Variants in FRYL observed in about 807,000 individuals in gnomAD.
FRYL encodes protein furry homolog-like.
FRYL carries 150 observed loss-of-function variants against 351.2 expected under a neutral mutation model. The observed-to-expected ratio is 0.43, with a 90% confidence interval of 0.37 to 0.49. The LOEUF (loss-of-function observed/expected upper bound fraction) is 0.49. Ranked by LOEUF, FRYL falls within the 20% of genes least tolerant of loss-of-function variation. The pLI, the probability that FRYL is intolerant of heterozygous loss-of-function variation, is 0.00. For missense variants in FRYL, 3,036 were observed against 3,619.3 expected, an observed-to-expected ratio of 0.84 and a Z score of 4.13; for synonymous variants, 1,153 against 1,257.1, an observed-to-expected ratio of 0.92 and a Z score of 1.75.
At chr4:48,684,965 T>C (rs1240784457) in intron 2 of FRYL, among the ~76,000 whole-genome samples, 170 bp from the exon 3 acceptor site, 3 of 152,228 alleles carry the variant, frequency 2.0e-5, no homozygotes, top group African/African-American at 4.8e-5. Flanking sequence ...TTTTTTATTA[T>C]GGAAAATTTC....
intron 6 of FRYL, among the ~76,000 whole-genome samples, chr4:48,619,652 G>T (rs1486292443): frequency 6.6e-6 from 1 of 152,004 alleles, no homozygotes; most frequent in East Asian, 1.9e-4. Flanking sequence ...CTACAGGCAA[G>T]CGCCACCATG....
chr4:48,559,748 A>C (rs1735032457), intron 33 of FRYL, among the ~76,000 whole-genome samples: 1 of 151,812 alleles, frequency 6.6e-6, no homozygotes, highest in East Asian at 2.0e-4. Flanking sequence ...ACAGAAAAAA[A>C]GGGACGGAAG....
At chr4:48,526,618 A>C (rs1253972650) in intron 53 of FRYL, among the ~76,000 whole-genome samples, 6 of 152,204 alleles carry the variant, frequency 3.9e-5, no homozygotes, top group Admixed American at 6.5e-5. Flanking sequence ...TTTTGCTGCT[A>C]TCTGAGGTCA....
intron 2 of FRYL, among the ~76,000 whole-genome samples, chr4:48,707,227 T>C (rs531224219): frequency 4.6e-5 from 7 of 152,314 alleles, no homozygotes; most frequent in Non-Finnish European, 1.0e-4. Context: ...TTTTTTATAA[T>C]ATGAATGTGC....
chr4:48,668,923 T>C (rs1470937247), intron 3 of FRYL, among the ~76,000 whole-genome samples: 3 of 152,212 alleles, frequency 2.0e-5, no homozygotes, highest in Non-Finnish European at 4.4e-5. Flanking sequence ...CTTTATAGCA[T>C]TTGATTTTTG....
At chr4:48,686,760 G>C (rs1335080817) in intron 2 of FRYL, among the ~76,000 whole-genome samples, 1 of 152,190 alleles carries the variant, frequency 6.6e-6, no homozygotes, top group East Asian at 1.9e-4. Context: ...CATAGCAAGT[G>C]CTAATGTCAT....
chr4:48,575,965 T>G, intron 24 of FRYL, 65 bp downstream of exon 24: 1 of 1,327,846 alleles, frequency 7.5e-7, no homozygotes, highest in Non-Finnish European at 1.0e-6. Context: ...AAAGAAATTT[T>G]AAAATCTTAT....
At chr4:48,603,146 C>G in intron 12 of FRYL, 144 bp downstream of exon 12, 3 of 648,970 alleles carry the variant, frequency 4.6e-6, no homozygotes, top group Middle Eastern at 4.2e-4. Context: ...GCAAAACATA[C>G]GTATGTAAAA....
chr4:48,550,009 G>A (rs1732323160), intron 38 of FRYL, among the ~76,000 whole-genome samples: 1 of 152,172 alleles, frequency 6.6e-6, no homozygotes, highest in Non-Finnish European at 1.5e-5. Flanking sequence ...CATCTTGAAA[G>A]GAACTCTGCT....
chr4:48,608,468 G>A (rs1747324158), intron 9 of FRYL, among the ~76,000 whole-genome samples: 1 of 151,990 alleles, frequency 6.6e-6, no homozygotes, highest in South Asian at 2.1e-4. Flanking sequence ...GTTTACTAAA[G>A]TGATGGTTCA....
chr4:48,710,397 A>G, intron 2 of FRYL, 122 bp downstream of exon 2: 1 of 375,656 alleles, frequency 2.7e-6, no homozygotes, highest in Non-Finnish European at 4.7e-6. Flanking sequence ...GAGGTCTTGA[A>G]AAATCTGATG....
intron 1 of FRYL, among the ~76,000 whole-genome samples, chr4:48,763,501 T>C (rs1276794856): frequency 6.6e-6 from 1 of 152,148 alleles, no homozygotes; most frequent in Admixed American, 6.6e-5. Context: ...ATCAGACCTA[T>C]GTTCCTAATA....
At chr4:48,568,633 A>T (rs529059179) in intron 27 of FRYL, among the ~76,000 whole-genome samples, 1 of 152,276 alleles carries the variant, frequency 6.6e-6, no homozygotes, top group African/African-American at 2.4e-5. Flanking sequence ...CATGAAAACA[A>T]GAGTTAGGAG....
chr4:48,717,889 T>A (rs1337241509), intron 1 of FRYL, among the ~76,000 whole-genome samples: 1 of 151,554 alleles, frequency 6.6e-6, no homozygotes, highest in Non-Finnish European at 1.5e-5. Context: ...GTGAATTATA[T>A]CTCAATAAAG....
chr4:48,625,321 A>G (rs1452077809), intron 4 of FRYL, among the ~76,000 whole-genome samples: 1 of 152,210 alleles, frequency 6.6e-6, no homozygotes, highest in East Asian at 1.9e-4. Context: ...GTATAGAAGG[A>G]CATTCACTAT....
intron 1 of FRYL, among the ~76,000 whole-genome samples, chr4:48,756,247 A>T (rs2109351454): frequency 6.6e-6 from 1 of 152,032 alleles, no homozygotes. Flanking sequence ...AAAAAAAAAA[A>T]AGGTTCCCCC....
At chr4:48,716,075 T>A (rs1560307289) in intron 1 of FRYL, among the ~76,000 whole-genome samples, 1 of 152,198 alleles carries the variant, frequency 6.6e-6, no homozygotes. Context: ...TAGCCATATG[T>A]AAAAAGCAGA....
intron 57 of FRYL, among the ~76,000 whole-genome samples, chr4:48,511,617 G>A (rs1226692067): frequency 1.3e-5 from 2 of 152,076 alleles, no homozygotes; most frequent in South Asian, 2.1e-4. Context: ...GCATAAATCC[G>A]CACTTTCAGC....
rs1726525068 is a variant in FRYL at position 48,527,572 on chromosome 4, C to T, written c.7222G>A (p.Glu2408Lys). ...LISTTEDINQ[E>K]EEVAVEDNSS... Reference sequence around the variant, plus strand: ...TTATCTTCCACAGCTACTTCTTCCTCTTGATTTATGTCTTCTGTTGTAGAA... The same window carrying T: ...TTATCTTCCACAGCTACTTCTTCCTTTTGATTTATGTCTTCTGTTGTAGAA... The change falls in exon 53 of 64, where the codon GAG (glutamate) becomes AAG (lysine). Residue 2408 changes from glutamate to lysine, a missense_variant. This residue lies in a region of FRYL where 1,987 missense variants were observed against 2,311.7 expected (regional missense o/e 0.86). Transcript: ENST00000358350. 3 of 1,613,020 alleles carry T rather than the reference C, an allele frequency of 1.9e-6. No individual in the cohort carries two copies. The highest frequency in any genetic ancestry group is 1.3e-5 in the African/African-American group (1 of 74,802).
Sources: allele counts gnomAD v4.1 joint callset (sites outside exome capture counted in the v4.1 genomes callset), GRCh38; gene constraint gnomAD v4.1.1; regional missense constraint gnomAD v4.1.1; transcripts MANE v1.5; gene names NCBI Gene and HGNC (gene_info 2026-07-23, HGNC 2026-07-21).